NUDT4: variants seen among roughly 807,000 people sequenced by gnomAD.
NUDT4 encodes nudix hydrolase 4.
In NUDT4, 5 loss-of-function variants were observed where a neutral mutation model predicts 23.1. The ratio of observed to expected loss-of-function variants is 0.22; its 90% CI spans 0.11 to 0.46. The LOEUF (loss-of-function observed/expected upper bound fraction) is 0.46. Ranked by LOEUF, NUDT4 falls within the 20% of genes least tolerant of loss-of-function variation. The pLI, the probability that NUDT4 is intolerant of heterozygous loss-of-function variation, is 0.99. For missense variants in NUDT4, 96 were observed against 211.6 expected, an observed-to-expected ratio of 0.45 and a Z score of 3.39; for synonymous variants, 50 against 79.0, an observed-to-expected ratio of 0.63 and a Z score of 1.95.
intron 2 of NUDT4, 113 bp from the exon 3 acceptor site, chr12:93,395,376 G>A: frequency 1.3e-6 from 1 of 751,176 alleles, no homozygotes; most frequent in Admixed American, 2.2e-5. Context: ...AGTTGGTATG[G>A]GGAGGGGTAT....
rs1877532804 is a variant in NUDT4 at position 93,402,525 on chromosome 12, T to C, written c.*3146T>C. Reference sequence around the variant, plus strand: ...CAGTAACACCTTTACTGTTCTCCCATTGATGATCATATACGTTACCTCTTC... The same window carrying C: ...CAGTAACACCTTTACTGTTCTCCCACTGATGATCATATACGTTACCTCTTC... On this transcript the variant is annotated 3_prime_UTR_variant, in exon 5 of 5. Coordinates refer to ENST00000415493, the MANE Select transcript of NUDT4 (RefSeq NM_019094.6). 6.6e-6 allele frequency: 1 copy of C among 152,196 alleles called. No individual in the cohort carries two copies. The highest frequency in any genetic ancestry group is 2.4e-5 in the African/African-American group (1 of 41,430). 9.4% of individuals were successfully genotyped at this position (152,196 alleles called of 1,614,324 possible).
At chr12:93,378,655 T>C (rs745958671) in intron 1 of NUDT4, 15 of 1,188,900 alleles carry the variant, frequency 1.3e-5, no homozygotes, top group Non-Finnish European at 1.6e-5. Flanking sequence ...ATCTGGGCAC[T>C]CGAGAAGGCG....
chr12:93,385,366 T>C (rs1875980632), intron 1 of NUDT4, among the ~76,000 whole-genome samples: 1 of 152,202 alleles, frequency 6.6e-6, no homozygotes, highest in Non-Finnish European at 1.5e-5. Flanking sequence ...GTAGAATGAG[T>C]AGCCTCCTTT....
intron 1 of NUDT4, among the ~76,000 whole-genome samples, chr12:93,381,675 TGG>T (rs900078952): frequency 2.6e-5 from 4 of 152,104 alleles, no homozygotes; most frequent in Non-Finnish European, 5.9e-5. Flanking sequence ...GAGCAAGACT[TGG>T]GGCTGTGATA....
chr12:93,383,846 CAACA>C (rs1157682085), intron 1 of NUDT4, among the ~76,000 whole-genome samples: 2 of 152,136 alleles, frequency 1.3e-5, no homozygotes, highest in Non-Finnish European at 2.9e-5. Context: ...ACAGCAACAA[CAACA>C]AACAGTTTCT....
chr12:93,387,921 C>T (rs1237296143), intron 1 of NUDT4, among the ~76,000 whole-genome samples: 5 of 152,148 alleles, frequency 3.3e-5, no homozygotes, highest in Non-Finnish European at 4.4e-5. Flanking sequence ...GAGTGTATCC[C>T]TCAGTTCTTG....
At chr12:93,382,190 G>C (rs2120857687) in intron 1 of NUDT4, among the ~76,000 whole-genome samples, 1 of 151,794 alleles carries the variant, frequency 6.6e-6, no homozygotes, top group East Asian at 1.9e-4. Context: ...CTTGAACCTG[G>C]GAGGTGGAGG....
chr12:93,380,351 T>C (rs780365882), intron 1 of NUDT4, among the ~76,000 whole-genome samples: 11 of 152,236 alleles, frequency 7.2e-5, no homozygotes, highest in Non-Finnish European at 1.5e-4. Context: ...GGAATTACTT[T>C]AGCAATAAAA....
At position 93,401,582 on chromosome 12, in the gene NUDT4, C is replaced by CT. The variant is rs1217086891; in HGVS notation, c.*2206dup. ...TGTACAGTATTAACGTCAACCATCT[C>CT]TTTAAAGTTAGCCTATAAATATTGT... is the stretch of plus-strand genomic sequence containing the variant. On this transcript the variant is annotated 3_prime_UTR_variant, in exon 5 of 5. Transcript: ENST00000415493. The CT allele has an allele frequency of 6.6e-6, 1 of 152,622 alleles. No individual in the cohort carries two copies. The highest frequency in any genetic ancestry group is 1.5e-5 in the Non-Finnish European group (1 of 68,016). The allele number at this position is 152,622 out of a possible 1,614,324, so 9.5% of individuals were successfully genotyped here.
chr12:93,389,161 T>G lies in NUDT4; in HGVS notation c.100-5448T>G, dbSNP rs149133736. 1.6e-4 allele frequency among the ~76,000 whole-genome samples: 24 copies of G among 152,310 alleles called. No individual in the cohort carries two copies. The East Asian group carries it at 3.9e-3, about 24-fold the overall frequency. ...ACCATAGATAATTACTCATTTAAATTTATCGGCCTTTTTTTTGAAAGATAC... is the reference window on the plus strand; with the variant it reads ...ACCATAGATAATTACTCATTTAAATGTATCGGCCTTTTTTTTGAAAGATAC... On this transcript the variant is annotated intron_variant, in intron 1 of 4. Coordinates refer to ENST00000415493, the MANE Select transcript of NUDT4 (RefSeq NM_019094.6).
rs918060271 is a variant in NUDT4, at chr12:93,403,877, G to A, written c.*4498G>A. 6.6e-6 allele frequency: 1 copy of A among 152,204 alleles called. No individual in the cohort carries two copies. The highest frequency in any genetic ancestry group is 6.5e-5 in the Admixed American group (1 of 15,276). 9.4% of individuals were successfully genotyped at this position (152,204 alleles called of 1,614,324 possible). On this transcript the variant is annotated 3_prime_UTR_variant, in exon 5 of 5. Coordinates refer to ENST00000415493, the MANE Select transcript of NUDT4 (RefSeq NM_019094.6). The stretch of plus-strand genomic sequence containing the variant: ...GAGAGGGCCATTAAGGCCTATCTTA[G>A]CAAGCAAGACATTATAGCAAAGACC...
chr12:93,378,525 G>A lies in NUDT4; in HGVS notation c.99+104G>A, dbSNP rs1290009545. On this transcript the variant is annotated intron_variant, in intron 1 of 4. Coordinates refer to ENST00000415493, the MANE Select transcript of NUDT4 (RefSeq NM_019094.6). ...CTGCGCAGGCTGCGGGGCTGGGAGG[G>A]ATTAGCCCCCTTCCTCCCTCCCTCC... The A allele has an allele frequency of 2.3e-6, 3 of 1,310,172 alleles. No homozygotes were observed. The African/African-American group carries it at 4.7e-5, about 20-fold the overall frequency. The allele number at this position is 1,310,172 out of a possible 1,614,324, so 81.2% of individuals were successfully genotyped here.
chr12:93,398,942 C>T lies in NUDT4; in HGVS notation c.340+87C>T, dbSNP rs1290600615. 4 of 985,380 alleles carry T rather than the reference C, an allele frequency of 4.1e-6. No homozygotes were observed. In the Admixed American group the frequency reaches 9.6e-5, roughly 24 times the overall value. The allele number at this position is 985,380 out of a possible 1,614,324, so 61.0% of individuals were successfully genotyped here. ...ATATAGGTAAGTTCCCTTTTGTTATCTGAATACTCTTTGCTTATATTCCTG... is the reference window on the plus strand; with the variant it reads ...ATATAGGTAAGTTCCCTTTTGTTATTTGAATACTCTTTGCTTATATTCCTG... On this transcript the variant is annotated intron_variant, in intron 4 of 4. Transcript: ENST00000415493.
chr12:93,381,215 G>T (rs1201939849), intron 1 of NUDT4, among the ~76,000 whole-genome samples: 1 of 152,170 alleles, frequency 6.6e-6, no homozygotes, highest in African/African-American at 2.4e-5. Flanking sequence ...CTATCCCAAG[G>T]TCACAGAAGC....
Position 93,399,286 on chromosome 12 carries a change from C to T in NUDT4, c.450C>T (p.Ala150=), listed in dbSNP as rs778790420. The T allele has an allele frequency of 2.5e-5, 30 of 1,180,360 alleles. No individual in the cohort carries two copies. In the East Asian group the frequency reaches 6.3e-4, roughly 25 times the overall value. The allele number at this position is 1,180,360 out of a possible 1,614,324, so 73.1% of individuals were successfully genotyped here. A position where few individuals can be genotyped will look rare whatever the true frequency, so the allele number is the denominator to read the frequency against. ...LEKLKLGCSP[A]NGNSTVPSLP... ...AGCTAAAGCTGGGTTGTTCCCCAGC[C>T]AATGGAAATTCTACAGTCCCTTCCC... Residue 150 remains alanine (A), a synonymous_variant, in exon 5 of 5, where the codon GCC becomes GCT. Coordinates refer to ENST00000415493, the MANE Select transcript of NUDT4 (RefSeq NM_019094.6).
intron 1 of NUDT4, 63 bp downstream of exon 1, chr12:93,378,484 C>A (rs901964013): frequency 1.6e-5 from 23 of 1,427,636 alleles, no homozygotes; most frequent in Non-Finnish European, 1.5e-5. Flanking sequence ...CGGGTGCTTC[C>A]CCTCGCTCCC....
chr12:93,382,286 A>C (rs1875723017), intron 1 of NUDT4, among the ~76,000 whole-genome samples: 2 of 150,804 alleles, frequency 1.3e-5, no homozygotes, highest in African/African-American at 4.9e-5. Context: ...AAAAAACAAC[A>C]AAAAAAACCA....
At chr12:93,384,450 AG>A (rs1875920976) in intron 1 of NUDT4, among the ~76,000 whole-genome samples, 1 of 152,072 alleles carries the variant, frequency 6.6e-6, no homozygotes, top group African/African-American at 2.4e-5. Context: ...TACAGGCGTG[AG>A]CCACCGTGCC....
intron 1 of NUDT4, among the ~76,000 whole-genome samples, chr12:93,393,473 T>G (rs1285596554): frequency 6.6e-6 from 1 of 152,120 alleles, no homozygotes; most frequent in Non-Finnish European, 1.5e-5. Flanking sequence ...GACAAACATT[T>G]TAAGTTTTGA....
Sources: allele counts gnomAD v4.1 joint callset (sites outside exome capture counted in the v4.1 genomes callset), GRCh38; gene constraint gnomAD v4.1.1; transcripts MANE v1.5; gene names NCBI Gene and HGNC (gene_info 2026-07-23, HGNC 2026-07-21).